Variants in NR1I3 observed in about 807,000 individuals in gnomAD.
The protein encoded by NR1I3 is nuclear receptor subfamily 1 group I member 3.
A neutral mutation model predicts 38.4 loss-of-function variants in NR1I3; 30 were observed. The observed-to-expected ratio is 0.78, with a 90% confidence interval of 0.58 to 1.06. NR1I3 has a LOEUF of 1.06. Ranked by LOEUF, NR1I3 falls within the 50% of genes least tolerant of loss-of-function variation. NR1I3 has a pLI of 0.00. For synonymous variants in NR1I3, 143 were observed against 165.1 expected (o/e 0.87, Z 1.03); for missense variants, 388 against 435.7 (o/e 0.89, Z 0.97).
In NR1I3 at chr1:161,229,713, G is replaced by A. The variant is rs201243903; in HGVS notation, c.*84C>T. On this transcript the variant is annotated 3_prime_UTR_variant, in exon 9 of 9. Coordinates refer to ENST00000367983, the MANE Select transcript of NR1I3 (RefSeq NM_005122.5). ...CAACCACTGGGCTCCCTTTGAACCC[G>A]GCCCAATCTTTGGTCCCAGCATTTT... 51 of 1,614,162 alleles carry A rather than the reference G, an allele frequency of 3.2e-5. No homozygotes were observed. The East Asian group carries it at 4.7e-4, about 15-fold the overall frequency.
intron 7 of NR1I3, 44 bp from the exon 8 acceptor site, chr1:161,230,962 T>C (rs1428700051): frequency 6.2e-7 from 1 of 1,612,944 alleles, no homozygotes; most frequent in Non-Finnish European, 8.5e-7. Flanking sequence ...GTGGCAGGGG[T>C]GGGCCTGCGT....
intron 3 of NR1I3, among the ~76,000 whole-genome samples, chr1:161,234,262 CA>C (rs1668125664): frequency 6.6e-6 from 1 of 151,938 alleles, no homozygotes; most frequent in East Asian, 1.9e-4. Flanking sequence ...CTCGGCCTCC[CA>C]AAGTGCTGGG....
intron 3 of NR1I3, 72 bp downstream of exon 3, chr1:161,235,775 A>G: frequency 6.3e-7 from 1 of 1,594,392 alleles, no homozygotes; most frequent in South Asian, 1.1e-5. Flanking sequence ...CTATGTAGAG[A>G]ATGCACTGTT....
At chr1:161,237,763 AC>A (rs1668893221) in intron 1 of NR1I3, among the ~76,000 whole-genome samples, 1 of 151,978 alleles carries the variant, frequency 6.6e-6, no homozygotes, top group African/African-American at 2.4e-5. Flanking sequence ...AAACAAAAAA[AC>A]AAATTCCTGA....
chr1:161,236,911 A>ATTT (rs142799258), intron 1 of NR1I3, among the ~76,000 whole-genome samples: 40 of 144,410 alleles, frequency 2.8e-4, no homozygotes, highest in East Asian at 2.5e-3. Flanking sequence ...TTATTTATTT[A>ATTT]TTTATTTTTT....
At chr1:161,236,043 T>C in intron 2 of NR1I3, 66 bp from the exon 3 acceptor site, 1 of 1,520,268 alleles carries the variant, frequency 6.6e-7, no homozygotes, top group East Asian at 2.3e-5. Context: ...TGAGATGACA[T>C]GGTCTAAAAG....
chr1:161,234,772 T>G (rs1668228119), intron 3 of NR1I3, among the ~76,000 whole-genome samples: 1 of 152,176 alleles, frequency 6.6e-6, no homozygotes, highest in Non-Finnish European at 1.5e-5. Context: ...ACATCCTCCT[T>G]TGGGAGCATA....
intron 8 of NR1I3, 65 bp from the exon 9 acceptor site, chr1:161,229,991 C>G: frequency 1.3e-6 from 2 of 1,582,716 alleles, no homozygotes; most frequent in East Asian, 2.2e-5. Context: ...GGAGTCTTGT[C>G]TCTAGGCCCT....
chr1:161,234,500 G>A (rs190190648), intron 3 of NR1I3, among the ~76,000 whole-genome samples: 1 of 152,212 alleles, frequency 6.6e-6, no homozygotes, highest in Admixed American at 6.5e-5. Context: ...AGTGAGAATC[G>A]TGTGATATGG....
At chr1:161,237,678 A>G (rs1190418960) in intron 1 of NR1I3, among the ~76,000 whole-genome samples, 3 of 151,756 alleles carry the variant, frequency 2.0e-5, no homozygotes, top group African/African-American at 7.3e-5. Context: ...AGATTGCGCC[A>G]CTGCACTCCA....
At chr1:161,230,078 G>C in intron 8 of NR1I3, 152 bp from the exon 9 acceptor site, 2 of 947,580 alleles carry the variant, frequency 2.1e-6, no homozygotes, top group Non-Finnish European at 3.1e-6. Context: ...CAGACTATCA[G>C]AGGTTCCAAA....
chr1:161,231,548 T>A, intron 5 of NR1I3, 74 bp from the exon 6 acceptor site: 1 of 1,468,380 alleles, frequency 6.8e-7, no homozygotes, highest in Non-Finnish European at 9.2e-7. Context: ...TCACCCTGGC[T>A]GGAGTGCAGT....
intron 5 of NR1I3, among the ~76,000 whole-genome samples, chr1:161,232,268 G>A (rs1294722130): frequency 1.3e-5 from 2 of 151,834 alleles, no homozygotes; most frequent in East Asian, 1.9e-4. Context: ...TTACAGGCAT[G>A]AGCCACCGTG....
In NR1I3 at chr1:161,236,017, T is replaced by C. The variant is rs771129318; in HGVS notation, c.108-40A>G. On this transcript the variant is annotated intron_variant, in intron 2 of 8. Coordinates refer to ENST00000367983, the MANE Select transcript of NR1I3 (RefSeq NM_005122.5). Reference sequence around the variant, plus strand: ...GATGTTGTTAGAGTCTGGGATGCAATGGATAGGTGAGGGGCTGAGATGACA... The same window carrying C: ...GATGTTGTTAGAGTCTGGGATGCAACGGATAGGTGAGGGGCTGAGATGACA... 15 of 1,549,884 alleles carry C rather than the reference T, an allele frequency of 9.7e-6. No individual in the cohort carries two copies. In the East Asian group the frequency reaches 1.8e-4, roughly 19 times the overall value.
At position 161,231,204 on chromosome 1, in the gene NR1I3, G is replaced by T; in HGVS notation, c.724C>A (p.Leu242Ile). 6.2e-7 allele frequency: 1 copy of T among 1,614,138 alleles called. No homozygotes were observed. The highest frequency in any genetic ancestry group is 8.5e-7 in the Non-Finnish European group (1 of 1,180,036). The change falls in exon 7 of 9, where the codon CTC becomes ATC. Residue 242 changes from leucine to isoleucine, a missense_variant. Leu to Ile is a conservative substitution (Grantham distance 5, BLOSUM62 2). Coordinates refer to ENST00000367983, the MANE Select transcript of NR1I3 (RefSeq NM_005122.5). ...CGTAGTGTTCCATGGAAGTGAAAGA[G>T]CAACTCCAAAAACTCTACCTGGAAC... ...VGFQVEFLEL[L>I]FHFHGTLRKL...
At chr1:161,233,404 C>CAACAGCTT in intron 3 of NR1I3, 66 bp from the exon 4 acceptor site, 2 of 1,562,138 alleles carry the variant, frequency 1.3e-6, no homozygotes, top group Non-Finnish European at 8.7e-7. Context: ...CTGCTGGTCC[C>CAACAGCTT]TGATCTGGGG....
intron 3 of NR1I3, chr1:161,235,225 T>C (rs1283337230): frequency 6.9e-6 from 1 of 145,688 alleles, no homozygotes; most frequent in Non-Finnish European, 1.5e-5. Flanking sequence ...AAATGGCAAG[T>C]GGAAAAGCCT....
chr1:161,236,376 C>A, intron 2 of NR1I3, 83 bp downstream of exon 2: 1 of 1,540,408 alleles, frequency 6.5e-7, no homozygotes, highest in Non-Finnish European at 8.9e-7. Context: ...GCTGGACAGG[C>A]TTGGGCACCA....
chr1:161,234,690 G>A (rs1668208002), intron 3 of NR1I3, among the ~76,000 whole-genome samples: 1 of 152,162 alleles, frequency 6.6e-6, no homozygotes, highest in African/African-American at 2.4e-5. Flanking sequence ...AGAGGTGTGA[G>A]CCACCGTGCT....
Sources: gnomAD v4.1 joint callset for allele counts (sites outside exome capture counted in the v4.1 genomes callset) on GRCh38, gnomAD v4.1.1 for gene constraint, MANE v1.5 for transcripts, NCBI Gene and HGNC (gene_info 2026-07-23, HGNC 2026-07-21) for gene names.